Variants in PARPBP observed in about 807,000 individuals in gnomAD.
The protein encoded by PARPBP is PCNA-interacting partner.
A neutral mutation model predicts 50.0 loss-of-function variants in PARPBP; 52 were observed. The observed-to-expected ratio is 1.04, with a 90% CI of 0.83 to 1.31. The LOEUF is 1.31. PARPBP is among the 50% of genes most tolerant of loss of function. The probability of loss-of-function intolerance (pLI) is 0.00; values close to 1 mark genes in which losing one functional copy is unlikely to be tolerated. For missense variants in PARPBP, 697 were observed against 672.0 expected (o/e 1.04, Z -0.41); for synonymous variants, 244 against 232.1 (o/e 1.05, Z -0.47).
Position 102,144,513 on chromosome 12 carries a change from G to T in PARPBP, c.154-3717G>T, listed in dbSNP as rs750641971. 2.9e-4 allele frequency among the ~76,000 whole-genome samples: 44 copies of T among 152,104 alleles called. 1 individual carries two copies. The highest frequency in any genetic ancestry group is 4.1e-4 in the South Asian group (2 of 4,822). On this transcript the variant is annotated intron_variant, in intron 2 of 10. Coordinates refer to ENST00000327680, the MANE Select transcript of PARPBP (RefSeq NM_017915.5). ...ACCTGATCATGAAAACTGATATCTGGAGTGCATTTTTATTTGGATTTAAAA... is the reference window on the plus strand; with the variant it reads ...ACCTGATCATGAAAACTGATATCTGTAGTGCATTTTTATTTGGATTTAAAA...
intron 2 of PARPBP, among the ~76,000 whole-genome samples, chr12:102,147,074 G>C (rs946578748): frequency 6.6e-6 from 1 of 152,174 alleles, no homozygotes; most frequent in Non-Finnish European, 1.5e-5. Flanking sequence ...TACAACACGT[G>C]CTGGAGAGGA....
At chr12:102,150,121 G>T in intron 3 of PARPBP, 1 of 399,706 alleles carries the variant, frequency 2.5e-6, no homozygotes, top group Non-Finnish European at 5.0e-6. Context: ...GGTTGTCTCT[G>T]TGGGATACTC....
chr12:102,150,233 A>C (rs1424568780), intron 3 of PARPBP: 1 of 455,054 alleles, frequency 2.2e-6, no homozygotes, highest in African/African-American at 2.0e-5. Context: ...AAGATCAACA[A>C]CTTAATCTCT....
At chr12:102,146,838 CAG>C (rs1885426012) in intron 2 of PARPBP, among the ~76,000 whole-genome samples, 1 of 152,102 alleles carries the variant, frequency 6.6e-6, no homozygotes, top group African/African-American at 2.4e-5. Flanking sequence ...GGCTAATATC[CAG>C]AGTCTACAAT....
Position 102,165,877 on chromosome 12 carries a change from A to G in PARPBP, c.815A>G (p.Asn272Ser). ...KLDEILGEIP[N>S]PSIAGGQILS... is the part of the protein sequence containing the mutation. ...GATGAGATTCTTGGAGAAATACCAA[A>G]CCCAAGGTAATGACTTTTCATATAT... The change falls in exon 6 of 11, where the codon AAC becomes AGC. Residue 272 changes from asparagine (N) to serine (S), a missense_variant. Asn to Ser is a conservative substitution (Grantham distance 46). Transcript: ENST00000327680. 1 of 1,530,616 alleles carries G rather than the reference A, an allele frequency of 6.5e-7. No homozygotes were observed. 94.8% of individuals were successfully genotyped at this position (1,530,616 alleles called of 1,614,324 possible).
At chr12:102,145,248 T>C (rs985073954) in intron 2 of PARPBP, among the ~76,000 whole-genome samples, 10 of 152,184 alleles carry the variant, frequency 6.6e-5, no homozygotes, top group African/African-American at 2.2e-4. Flanking sequence ...TAGTGAACTA[T>C]AGTTGTACTT....
At chr12:102,137,460 A>G (rs778088801) in intron 2 of PARPBP, among the ~76,000 whole-genome samples, 3 of 151,976 alleles carry the variant, frequency 2.0e-5, no homozygotes, top group Non-Finnish European at 4.4e-5. Context: ...TTTGAGGGGG[A>G]AAATTTTTTA....
At chr12:102,141,553 G>A (rs1051832385) in intron 2 of PARPBP, among the ~76,000 whole-genome samples, 14 of 152,102 alleles carry the variant, frequency 9.2e-5, no homozygotes, top group African/African-American at 2.7e-4. Flanking sequence ...TATTTTGCTC[G>A]TTAGTTGATG....
Position 102,124,008 on chromosome 12 carries a change from A to G in PARPBP, c.120A>G (p.Ala40=), listed in dbSNP as rs974532791. 4.2e-5 allele frequency: 64 copies of G among 1,535,444 alleles called. No individual in the cohort carries two copies. The Admixed American group carries it at 1.1e-3, about 25-fold the overall frequency. The change falls in exon 2 of 11, where the codon GCA becomes GCG. Residue 40 remains alanine, a synonymous_variant. Coordinates refer to ENST00000327680, the MANE Select transcript of PARPBP (RefSeq NM_017915.5). ...TLCGADSMLL[A]LQLSMAENNK... ...GTGGTGCAGACTCCATGCTCTTGGC[A>G]TTGCAGCTTTCTATGGCGGAGAACA...
chr12:102,132,857 G>C (rs1036675347), intron 2 of PARPBP, among the ~76,000 whole-genome samples: 1 of 151,962 alleles, frequency 6.6e-6, no homozygotes, highest in African/African-American at 2.4e-5. Context: ...TTTTCAGTGT[G>C]CAGATCTTTC....
chr12:102,154,819 C>A (rs1886657021), intron 4 of PARPBP: 1 of 454,126 alleles, frequency 2.2e-6, no homozygotes, highest in Admixed American at 2.4e-5. Context: ...AAATCTTTCC[C>A]CTTCCAGGCC....
chr12:102,145,055 C>T (rs999553083), intron 2 of PARPBP, among the ~76,000 whole-genome samples: 1 of 151,990 alleles, frequency 6.6e-6, no homozygotes, highest in Non-Finnish European at 1.5e-5. Context: ...TAAAGAGCTG[C>T]TTATTTTAAG....
chr12:102,192,860 AAG>A (rs1381712000), intron 9 of PARPBP, among the ~76,000 whole-genome samples: 4 of 152,180 alleles, frequency 2.6e-5, no homozygotes, highest in South Asian at 4.1e-4. Context: ...ATTAAAAAAA[AAG>A]AGATTTTTGT....
intron 3 of PARPBP, among the ~76,000 whole-genome samples, chr12:102,153,449 T>A (rs1432822932): frequency 6.6e-6 from 1 of 152,190 alleles, no homozygotes; most frequent in Non-Finnish European, 1.5e-5. Context: ...CAAGTGATCA[T>A]CCCACCTGAG....
chr12:102,168,718 G>C (rs1478781363), intron 6 of PARPBP, among the ~76,000 whole-genome samples: 2 of 152,128 alleles, frequency 1.3e-5, no homozygotes, highest in African/African-American at 4.8e-5. Context: ...AATTTTGAAG[G>C]ATGAACTTGA....
chr12:102,196,587 TCTC>T lies in PARPBP; in HGVS notation c.*301_*303del. The T allele has an allele frequency of 8.8e-7, 1 of 1,133,836 alleles. No individual in the cohort carries two copies. Among genetic ancestry groups the T allele is most frequent in the Non-Finnish European group, 1.3e-6 (1 of 742,798 alleles). 70.2% of individuals were successfully genotyped at this position (1,133,836 alleles called of 1,614,324 possible). A position where few individuals can be genotyped will look rare whatever the true frequency, so the allele number is the denominator to read the frequency against. On this transcript the variant is annotated 3_prime_UTR_variant, in exon 11 of 11. Transcript: ENST00000327680. ...ACAAGTTATAGTAGCAGTATGGGCT[TCTC>T]CTCCCATTGGCAATTAAATGCTTTT...
intron 6 of PARPBP, among the ~76,000 whole-genome samples, chr12:102,174,173 C>T (rs191382446): frequency 6.6e-6 from 1 of 151,946 alleles, no homozygotes; most frequent in Admixed American, 6.6e-5. Context: ...TCACCCTTGC[C>T]TAATCATAAG....
chr12:102,195,557 G>T, intron 10 of PARPBP, 110 bp downstream of exon 10: 1 of 798,572 alleles, frequency 1.3e-6, no homozygotes. Flanking sequence ...AAATGTAAAG[G>T]GTAATATTTT....
At chr12:102,148,665 T>C (rs1237995651) in intron 3 of PARPBP, 3 of 429,962 alleles carry the variant, frequency 7.0e-6, no homozygotes, top group African/African-American at 2.0e-5. Context: ...ACTTGTGTTA[T>C]TGTTATTTAG....
Sources: gnomAD v4.1 joint callset for allele counts (sites outside exome capture counted in the v4.1 genomes callset) on GRCh38, gnomAD v4.1.1 for gene constraint, MANE v1.5 for transcripts, NCBI Gene and HGNC (gene_info 2026-07-23, HGNC 2026-07-21) for gene names.